The following TMEM132D variants were observed in gnomAD, a reference collection of about 807,000 sequenced individuals.
TMEM132D encodes transmembrane protein 132D.
Under a neutral mutation model 62.3 loss-of-function variants are expected in TMEM132D, and 21 were observed. The observed-to-expected ratio is 0.34, with a 90% confidence interval of 0.24 to 0.49. TMEM132D has a LOEUF of 0.49. Among genes scored for constraint, TMEM132D ranks in the 20% least tolerant of loss-of-function variants. The probability of loss-of-function intolerance (pLI) is 0.99; values close to 1 mark genes in which losing one functional copy is unlikely to be tolerated. For synonymous variants in TMEM132D, 621 were observed against 575.6 expected, an observed-to-expected ratio of 1.08 and a Z score of -1.13; for missense variants, 1,346 against 1,402.8, an observed-to-expected ratio of 0.96 and a Z score of 0.65.
At chr12:129,623,390 G>T (rs1879123931) in intron 2 of TMEM132D, among the ~76,000 whole-genome samples, 1 of 152,048 alleles carries the variant, frequency 6.6e-6, no homozygotes, top group Non-Finnish European at 1.5e-5. Context: ...CCCAAAGAGT[G>T]TGCAGTGTAC....
intron 4 of TMEM132D, among the ~76,000 whole-genome samples, chr12:129,279,405 A>G (rs1225690008): frequency 6.6e-6 from 1 of 151,988 alleles, no homozygotes; most frequent in African/African-American, 2.4e-5. Context: ...TTTTTTTGGG[A>G]ATGGGGACTT....
At chr12:129,143,680 A>C (rs1252997381) in intron 5 of TMEM132D, among the ~76,000 whole-genome samples, 1 of 152,168 alleles carries the variant, frequency 6.6e-6, no homozygotes, top group African/African-American at 2.4e-5. Context: ...TGGGAAACTG[A>C]AGAGGAGTGG....
intron 8 of TMEM132D, 33 bp from the exon 9 acceptor site, chr12:129,075,092 G>A (rs942896877): frequency 3.2e-6 from 5 of 1,558,512 alleles, no homozygotes; most frequent in Admixed American, 1.8e-5. Context: ...TAATCAAATG[G>A]GCCAAAAAGC....
intron 5 of TMEM132D, chr12:129,110,897 T>G (rs1367999512): frequency 6.6e-6 from 1 of 152,120 alleles, no homozygotes; most frequent in African/African-American, 2.4e-5. Flanking sequence ...GATTCCAAAG[T>G]GGAAAAGTCA....
At chr12:129,768,131 T>G (rs145007558) in intron 1 of TMEM132D, among the ~76,000 whole-genome samples, 17 of 152,278 alleles carry the variant, frequency 1.1e-4, no homozygotes, top group African/African-American at 3.6e-4. Context: ...AGAGATTTCT[T>G]TGGGAACACA....
At chr12:129,548,105 C>A (rs921424919) in intron 2 of TMEM132D, among the ~76,000 whole-genome samples, 3 of 152,206 alleles carry the variant, frequency 2.0e-5, no homozygotes, top group Admixed American at 6.5e-5. Context: ...ATAAACCCTG[C>A]ACATTTAGTT....
intron 2 of TMEM132D, among the ~76,000 whole-genome samples, chr12:129,691,372 G>A (rs887487955): frequency 2.0e-5 from 3 of 151,644 alleles, no homozygotes; most frequent in Admixed American, 6.6e-5. Context: ...AAAAGCAATA[G>A]AGAAAATCTA....
intron 1 of TMEM132D, among the ~76,000 whole-genome samples, chr12:129,763,990 T>C (rs917359580): frequency 1.3e-5 from 2 of 152,220 alleles, no homozygotes; most frequent in African/African-American, 4.8e-5. Context: ...TCGTTGCATT[T>C]TCCTACCTTT....
chr12:129,805,179 TG>T (rs1871938689), intron 1 of TMEM132D, among the ~76,000 whole-genome samples: 1 of 151,610 alleles, frequency 6.6e-6, no homozygotes, highest in Non-Finnish European at 1.5e-5. Context: ...TTCACAGAAT[TG>T]GAAAAAACTA....
chr12:129,788,803 T>C (rs139413140), intron 1 of TMEM132D, among the ~76,000 whole-genome samples: 99 of 152,106 alleles, frequency 6.5e-4, no homozygotes, highest in South Asian at 5.0e-3. Flanking sequence ...GCAATTGACA[T>C]AAATGACAGG....
chr12:129,821,738 T>G (rs1872546614), intron 1 of TMEM132D, among the ~76,000 whole-genome samples: 1 of 152,180 alleles, frequency 6.6e-6, no homozygotes. Flanking sequence ...CTTCTTAAAA[T>G]GCAGCCTGTG....
Position 129,903,516 on chromosome 12 carries a change from G to A in TMEM132D, c.-177C>T. On this transcript the variant is annotated 5_prime_UTR_variant, in exon 1 of 9. Coordinates refer to ENST00000422113, the MANE Select transcript of TMEM132D (RefSeq NM_133448.3). The surrounding 1 kb of genome is among the most constrained non-coding windows in gnomAD (Gnocchi z 6.2). ...CCGCCAGTCCATGGCCAGGCCGGGA[G>A]GCGACGACCGCGCGGGCTCCTGAGT... The A allele has an allele frequency of 1.6e-6, 1 of 625,668 alleles. No individual in the cohort carries two copies. Among genetic ancestry groups the A allele is most frequent in the South Asian group, 2.0e-5 (1 of 50,190 alleles). The allele number at this position is 625,668 out of a possible 1,614,324, so 38.8% of individuals were successfully genotyped here. A position where few individuals can be genotyped will look rare whatever the true frequency, so the allele number is the denominator to read the frequency against.
chr12:129,838,552 G>T (rs1292641724), intron 1 of TMEM132D, among the ~76,000 whole-genome samples: 2 of 152,210 alleles, frequency 1.3e-5, no homozygotes, highest in East Asian at 3.8e-4. Context: ...GCTTAACACA[G>T]ATGTGGCTCT....
At chr12:129,786,397 C>A (rs1207604448) in intron 1 of TMEM132D, among the ~76,000 whole-genome samples, 2 of 152,134 alleles carry the variant, frequency 1.3e-5, no homozygotes, top group African/African-American at 4.8e-5. Flanking sequence ...GGAGGTAACA[C>A]CTCGTGGCGA....
At chr12:129,421,580 A>G (rs1334641836) in intron 3 of TMEM132D, among the ~76,000 whole-genome samples, 2 of 152,218 alleles carry the variant, frequency 1.3e-5, no homozygotes, top group Admixed American at 1.3e-4. Context: ...CAAAAGGTCC[A>G]CAGTGCTGAG....
chr12:129,715,127 CT>C (rs1868525808), intron 1 of TMEM132D, among the ~76,000 whole-genome samples: 1 of 152,124 alleles, frequency 6.6e-6, no homozygotes, highest in African/African-American at 2.4e-5. Flanking sequence ...CACAAAACAA[CT>C]TTTTTCCTTC....
chr12:129,684,936 G>T lies in TMEM132D; in HGVS notation c.968+14874C>A, dbSNP rs1343441883. Among the ~76,000 whole-genome samples, 3 of 152,104 alleles carry T rather than the reference G, an allele frequency of 2.0e-5. No homozygotes were observed. In the East Asian group the frequency reaches 5.8e-4, roughly 29 times the overall value. ...GATTGAGAGATTGAAATGATTTAGG[G>T]TATCTGGAAGAAGAAATTTCTAAGC... is the stretch of plus-strand genomic sequence containing the variant. On this transcript the variant is annotated intron_variant, in intron 2 of 8. Coordinates refer to ENST00000422113, the MANE Select transcript of TMEM132D (RefSeq NM_133448.3).
At position 129,360,654 on chromosome 12, in the gene TMEM132D, G is replaced by A. The variant is rs557328922; in HGVS notation, c.1116-22837C>T. Among the ~76,000 whole-genome samples the A allele has an allele frequency of 9.2e-5, 14 of 152,216 alleles. No homozygotes were observed. In the East Asian group the frequency reaches 1.7e-3, roughly 19 times the overall value. On this transcript the variant is annotated intron_variant, in intron 3 of 8. Coordinates refer to ENST00000422113, the MANE Select transcript of TMEM132D (RefSeq NM_133448.3). ...GATCACCCACCTGGGGACTCTGGCC[G>A]GGGATGCTGAGTGGGTTTGCAGCGG... is the stretch of plus-strand genomic sequence containing the variant.
At chr12:129,181,508 G>T (rs1197429185) in intron 5 of TMEM132D, among the ~76,000 whole-genome samples, 1 of 152,160 alleles carries the variant, frequency 6.6e-6, no homozygotes, top group East Asian at 1.9e-4. Context: ...GGCTCCCCCA[G>T]TCCTCCTAGG....
Sources: allele counts gnomAD v4.1 joint callset (sites outside exome capture counted in the v4.1 genomes callset), GRCh38; gene constraint gnomAD v4.1.1; non-coding constraint Gnocchi (gnomAD v3.1); transcripts MANE v1.5; gene names NCBI Gene and HGNC (gene_info 2026-07-23, HGNC 2026-07-21).